The following TWIST2 variants were observed in gnomAD, a reference collection of about 807,000 sequenced individuals.
The protein encoded by TWIST2 is twist family bHLH transcription factor 2.
TWIST2 carries 1 observed loss-of-function variant against 11.6 expected under a neutral mutation model. That is an observed-to-expected ratio of 0.09 (90% CI 0.03 to 0.41). The LOEUF (loss-of-function observed/expected upper bound fraction) is 0.41, where lower values mean the gene tolerates loss of function less well. Ranked by LOEUF, TWIST2 falls within the 10% of genes least tolerant of loss-of-function variation. The pLI, the probability that TWIST2 is intolerant of heterozygous loss-of-function variation, is 0.98. For missense variants in TWIST2, 168 were observed against 226.4 expected, an observed-to-expected ratio of 0.74 and a Z score of 1.66; for synonymous variants, 87 against 96.6, an observed-to-expected ratio of 0.90 and a Z score of 0.58.
chr2:238,907,444 C>T lies in TWIST2; in HGVS notation c.*36-2398C>T, dbSNP rs966998973. Among the ~76,000 whole-genome samples the T allele has an allele frequency of 8.7e-3, 1,320 of 152,292 alleles. 19 individuals carry two copies. The highest frequency in any genetic ancestry group is 0.03 in the African/African-American group (1,256 of 41,530). ...TGTCTCCTCCCCCTGCAGGTGGGAA[C>T]CAGGCTCTGGGTAGCGCCTGAGCGG... On this transcript the variant is annotated intron_variant, in intron 1 of 1. Coordinates refer to ENST00000612363, the MANE Select transcript of TWIST2 (RefSeq NM_001271893.4).
chr2:238,849,784 C>T (rs919248803), intron 1 of TWIST2, among the ~76,000 whole-genome samples: 4 of 152,228 alleles, frequency 2.6e-5, no homozygotes, highest in Admixed American at 2.6e-4. Flanking sequence ...TAGACAAGCT[C>T]GAGCCACGGA....
chr2:238,851,473 A>G (rs1187432499), intron 1 of TWIST2, among the ~76,000 whole-genome samples: 1 of 152,194 alleles, frequency 6.6e-6, no homozygotes, highest in Non-Finnish European at 1.5e-5. Flanking sequence ...ATTACTTATC[A>G]GACATTTGTC....
intron 1 of TWIST2, among the ~76,000 whole-genome samples, chr2:238,905,150 G>C (rs1418975198): frequency 6.6e-6 from 1 of 152,126 alleles, no homozygotes; most frequent in Non-Finnish European, 1.5e-5. Flanking sequence ...TTTCCGTAAT[G>C]CTTCTGTCCC....
rs1692562798 is a variant in TWIST2 at position 238,867,409 on chromosome 2, A to ACACACACACACACACACACC, written c.*35+18679_*35+18680insACACACACACACACACCCAC. On this transcript the variant is annotated intron_variant, in intron 1 of 1. Coordinates refer to ENST00000612363, the MANE Select transcript of TWIST2 (RefSeq NM_001271893.4). This position sits in a 1 kb window ranked among gnomAD's most constrained non-coding sequence, Gnocchi z 4.8. Reference sequence around the variant, plus strand: ...CACACACACACACACACACACACACACACTCCTCAGTAAAATACCCAGTTC... The same window carrying ACACACACACACACACACACC: ...CACACACACACACACACACACACACACACACACACACACACACACCCACTCCTCAGTAAAATACCCAGTTC... Among the ~76,000 whole-genome samples the ACACACACACACACACACACC allele has an allele frequency of 6.7e-6, 1 of 149,238 alleles. No homozygotes were observed. The highest frequency in any genetic ancestry group is 2.4e-5 in the African/African-American group (1 of 40,942).
At chr2:238,884,223 G>A (rs986788348) in intron 1 of TWIST2, among the ~76,000 whole-genome samples, 1 of 152,216 alleles carries the variant, frequency 6.6e-6, no homozygotes, top group Non-Finnish European at 1.5e-5. Context: ...TGAAGTGCCA[G>A]TGGGCTGCCA....
At chr2:238,894,862 A>T (rs1163993340) in intron 1 of TWIST2, among the ~76,000 whole-genome samples, 2 of 152,154 alleles carry the variant, frequency 1.3e-5, no homozygotes, top group Non-Finnish European at 2.9e-5. Flanking sequence ...TGGACCTTTT[A>T]ATCTCTGTAT....
chr2:238,889,921 G>A (rs2106368882), intron 1 of TWIST2, among the ~76,000 whole-genome samples: 1 of 152,252 alleles, frequency 6.6e-6, no homozygotes, highest in Middle Eastern at 3.4e-3. Flanking sequence ...GTCGGCGAGG[G>A]TGCCCGGCTG....
At chr2:238,903,469 GATGTGTGTGCA>G (rs1693304341) in intron 1 of TWIST2, among the ~76,000 whole-genome samples, 1 of 144,656 alleles carries the variant, frequency 6.9e-6, no homozygotes, top group Non-Finnish European at 1.5e-5. Flanking sequence ...AGGTGTGTGT[GATGTGTGTGCA>G]TGATGTGAGG....
rs939712393 is a variant in TWIST2, at chr2:238,868,352, C to T, written c.*35+19619C>T. On this transcript the variant is annotated intron_variant, in intron 1 of 1. Transcript: ENST00000612363. The stretch of plus-strand genomic sequence containing the variant: ...CCCCCCAGCCTGCTCTGGTAAGCGT[C>T]GGGCTTCTGTCCAGATGACACAGCT... 3.9e-5 allele frequency among the ~76,000 whole-genome samples: 6 copies of T among 152,170 alleles called. No homozygotes were observed. The East Asian group carries it at 7.7e-4, about 20-fold the overall frequency.
intron 1 of TWIST2, among the ~76,000 whole-genome samples, chr2:238,907,434 C>A (rs1387857320): frequency 6.6e-6 from 1 of 152,182 alleles, no homozygotes; most frequent in Non-Finnish European, 1.5e-5. Flanking sequence ...CCTCCCCCTG[C>A]AGGTGGGAAC....
At position 238,864,603 on chromosome 2, in the gene TWIST2, CG is replaced by C. The variant is rs1559270854; in HGVS notation, c.*35+15872del. Reference sequence around the variant, plus strand: ...AGGGCACCAGGCAGCCCACCCGGCCCGGCCAAGACCAGCAGGACAGGGGCCC... The same window carrying C: ...AGGGCACCAGGCAGCCCACCCGGCCCGCCAAGACCAGCAGGACAGGGGCCC... On this transcript the variant is annotated intron_variant, in intron 1 of 1. Coordinates refer to ENST00000612363, the MANE Select transcript of TWIST2 (RefSeq NM_001271893.4). This position sits in a 1 kb window ranked among gnomAD's most constrained non-coding sequence, Gnocchi z 4.7. 2.0e-5 allele frequency among the ~76,000 whole-genome samples: 3 copies of C among 152,118 alleles called. No homozygotes were observed.
intron 1 of TWIST2, among the ~76,000 whole-genome samples, chr2:238,879,786 A>G (rs36192662): frequency 0.34 from 51,800 of 152,194 alleles, 9,058 homozygotes; most frequent in Middle Eastern, 0.46. Context: ...GCAGAAGGGC[A>G]TGATTGGCTG....
chr2:238,863,888 G>T lies in TWIST2; in HGVS notation c.*35+15155G>T, dbSNP rs1692478305. The stretch of plus-strand genomic sequence containing the variant: ...TGGGACTGAGGAGAGGTCGGCCGTA[G>T]AGTAGGTCTACCCCCTATCCTGGGG... On this transcript the variant is annotated intron_variant, in intron 1 of 1. Transcript: ENST00000612363. The surrounding 1 kb of genome is among the most constrained non-coding windows in gnomAD (Gnocchi z 4.7). Among the ~76,000 whole-genome samples, 1 of 152,138 alleles carries T rather than the reference G, an allele frequency of 6.6e-6. No individual in the cohort carries two copies. Among genetic ancestry groups the T allele is most frequent in the Non-Finnish European group, 1.5e-5 (1 of 68,036 alleles).
At chr2:238,903,653 G>GGTGTGTGTGAT (rs1693308773) in intron 1 of TWIST2, among the ~76,000 whole-genome samples, 1 of 134 alleles carries the variant, frequency 7.5e-3, no homozygotes. Context: ...TGTGATGTGA[G>GGTGTGTGTGAT]GTGTGTNNNN....
At chr2:238,862,186 C>T (rs1692447971) in intron 1 of TWIST2, among the ~76,000 whole-genome samples, 1 of 152,116 alleles carries the variant, frequency 6.6e-6, no homozygotes, top group Admixed American at 6.5e-5. Context: ...CCATCTGCTT[C>T]CAAAAGCTGA....
chr2:238,848,945 T>C (rs1320057738), intron 1 of TWIST2, among the ~76,000 whole-genome samples: 1 of 151,446 alleles, frequency 6.6e-6, no homozygotes, highest in African/African-American at 2.4e-5. Context: ...CACGCGAGGG[T>C]GTCAGTTGGG....
intron 1 of TWIST2, among the ~76,000 whole-genome samples, chr2:238,898,684 G>A (rs1693234956): frequency 6.6e-6 from 1 of 152,222 alleles, no homozygotes; most frequent in Non-Finnish European, 1.5e-5. Flanking sequence ...TGACCACTGT[G>A]GGGAGAAGGC....
At chr2:238,881,326 TTAA>T in intron 1 of TWIST2, among the ~76,000 whole-genome samples, 1 of 148,726 alleles carries the variant, frequency 6.7e-6, no homozygotes, top group East Asian at 2.0e-4. Flanking sequence ...AGTGTTGGTG[TTAA>T]TATTAGCATT....
In TWIST2 at chr2:238,867,574, A is replaced by G. The variant is rs1398161001; in HGVS notation, c.*35+18841A>G. Among the ~76,000 whole-genome samples, 1 of 152,094 alleles carries G rather than the reference A, an allele frequency of 6.6e-6. No homozygotes were observed. Among genetic ancestry groups the G allele is most frequent in the Non-Finnish European group, 1.5e-5 (1 of 68,028 alleles). On this transcript the variant is annotated intron_variant, in intron 1 of 1. Transcript: ENST00000612363. The surrounding 1 kb of genome is among the most constrained non-coding windows in gnomAD (Gnocchi z 4.8). Reference sequence around the variant, plus strand: ...GGAACCCTTTGATAAACAGGAAAGAATATTTTCACTTTGGCACAGGCCTGG... The same window carrying G: ...GGAACCCTTTGATAAACAGGAAAGAGTATTTTCACTTTGGCACAGGCCTGG...
Sources: allele counts gnomAD v4.1 joint callset (sites outside exome capture counted in the v4.1 genomes callset), GRCh38; gene constraint gnomAD v4.1.1; non-coding constraint Gnocchi (gnomAD v3.1); transcripts MANE v1.5; gene names NCBI Gene and HGNC (gene_info 2026-07-23, HGNC 2026-07-21).